The following ARHGEF10 variants were observed in gnomAD, a reference collection of about 807,000 sequenced individuals.
ARHGEF10 encodes Rho guanine nucleotide exchange factor (GEF) 10.
A neutral mutation model predicts 147.4 loss-of-function variants in ARHGEF10; 140 were observed. That is an observed-to-expected ratio of 0.95 (90% CI 0.83 to 1.09). The LOEUF is 1.09. Ranked by LOEUF, ARHGEF10 falls within the 50% of genes least tolerant of loss-of-function variation. ARHGEF10 has a pLI of 0.00. For synonymous variants in ARHGEF10, 902 were observed against 695.8 expected (o/e 1.30, Z -4.67); for missense variants, 2,222 against 1,752.7 (o/e 1.27, Z -4.78).
intron 1 of ARHGEF10, among the ~76,000 whole-genome samples, chr8:1,835,214 C>T (rs1417527068): frequency 1.3e-5 from 2 of 152,204 alleles, no homozygotes; most frequent in African/African-American, 2.4e-5. Flanking sequence ...GACCAGGGGG[C>T]CCAGGATGCT....
chr8:1,888,898 T>TGAGGGTTTGTGAGGAGACACTGAGTG (rs1809090717), intron 11 of ARHGEF10, among the ~76,000 whole-genome samples: 1 of 62,550 alleles, frequency 1.6e-5, no homozygotes, highest in African/African-American at 8.0e-5. Flanking sequence ...GACACTGAGT[T>TGAGGGTTTGTGAGGAGACACTGAGTG]GGGTGAGGGT....
chr8:1,880,408 G>A lies in ARHGEF10; in HGVS notation c.960+244G>A, dbSNP rs548137844. On this transcript the variant is annotated intron_variant, in intron 9 of 28. Coordinates refer to ENST00000349830, the MANE Select transcript of ARHGEF10 (RefSeq NM_014629.4). ...CCACAGCTGTGGCCTCACCGCTGGC[G>A]GAATGCCATCTGGCTGTCTACTAGA... 2.0e-4 allele frequency among the ~76,000 whole-genome samples: 30 copies of A among 152,308 alleles called. 1 individual carries two copies. Among genetic ancestry groups the A allele is most frequent in the South Asian group, 8.3e-4 (4 of 4,824 alleles).
At chr8:1,841,598 G>A (rs995452030) in intron 1 of ARHGEF10, among the ~76,000 whole-genome samples, 4 of 152,146 alleles carry the variant, frequency 2.6e-5, no homozygotes, top group Middle Eastern at 3.4e-3. Flanking sequence ...GGGGCAGGGA[G>A]TAGGGAGCAG....
At chr8:1,823,378 G>C (rs1265520216), upstream of ARHGEF10, among the ~76,000 whole-genome samples, 1 of 149,604 alleles carries the variant, frequency 6.7e-6, no homozygotes, top group Non-Finnish European at 1.5e-5. Context: ...TCAAGGGCGG[G>C]TCGGGTGGGG....
At chr8:1,868,086 C>A (rs1482635907) in intron 6 of ARHGEF10, among the ~76,000 whole-genome samples, 1 of 152,182 alleles carries the variant, frequency 6.6e-6, no homozygotes, top group Non-Finnish European at 1.5e-5. Flanking sequence ...GAAATATGAT[C>A]TCTAAACTAG....
intron 1 of ARHGEF10, among the ~76,000 whole-genome samples, chr8:1,841,952 TGGGGCCGCGACCGGAACTGGGG>T (rs1234219276): frequency 2.4e-4 from 19 of 78,220 alleles, no homozygotes; most frequent in African/African-American, 1.2e-3. Flanking sequence ...CGACCGGAAC[TGGGGCCGCGACCGGAACTGGGG>T]CCGCGGCGGG....
chr8:1,938,743 C>G (rs1164063322), intron 26 of ARHGEF10, among the ~76,000 whole-genome samples: 1 of 152,128 alleles, frequency 6.6e-6, no homozygotes, highest in African/African-American at 2.4e-5. Context: ...CAAGGCCAGC[C>G]TGGGCAGCAT....
At chr8:1,898,176 G>A (rs927082601) in intron 14 of ARHGEF10, among the ~76,000 whole-genome samples, 1 of 152,172 alleles carries the variant, frequency 6.6e-6, no homozygotes, top group South Asian at 2.1e-4. Context: ...AATCTGCCCA[G>A]TCCCCTGGCC....
At chr8:1,860,650 C>T (rs1285904522) in intron 4 of ARHGEF10, among the ~76,000 whole-genome samples, 3 of 152,202 alleles carry the variant, frequency 2.0e-5, no homozygotes, top group East Asian at 1.9e-4. Flanking sequence ...TTTGAAACAA[C>T]GTCTGGTGCC....
At chr8:1,868,371 C>T (rs1327844708) in intron 6 of ARHGEF10, among the ~76,000 whole-genome samples, 3 of 152,130 alleles carry the variant, frequency 2.0e-5, no homozygotes, top group Admixed American at 6.5e-5. Flanking sequence ...ATAGTTTGGA[C>T]GTTCTCTTGC....
intron 11 of ARHGEF10, 134 bp from the exon 12 acceptor site, chr8:1,893,435 A>T: frequency 1.5e-6 from 1 of 674,992 alleles, no homozygotes; most frequent in Non-Finnish European, 2.7e-6. Flanking sequence ...AATGTTATTT[A>T]ATTAGGCTAC....
intron 2 of ARHGEF10, among the ~76,000 whole-genome samples, chr8:1,850,964 C>T (rs1288782954): frequency 1.3e-5 from 2 of 151,544 alleles, no homozygotes; most frequent in Admixed American, 6.6e-5. Flanking sequence ...GCGCCCGGTG[C>T]GATTCCAACC....
At position 1,915,661 on chromosome 8, in the gene ARHGEF10, A is replaced by T. The variant is rs148662929; in HGVS notation, c.2143+6191A>T. On this transcript the variant is annotated intron_variant, in intron 18 of 28. Transcript: ENST00000349830. ...CTTCTCCGTCACTGTGTCTGTTTATATCTCCCGTTACCTCAGGGACAAACA... is the reference window on the plus strand; with the variant it reads ...CTTCTCCGTCACTGTGTCTGTTTATTTCTCCCGTTACCTCAGGGACAAACA... 6.5e-3 allele frequency among the ~76,000 whole-genome samples: 996 copies of T among 152,338 alleles called. 5 individuals carry two copies. The highest frequency in any genetic ancestry group is 0.027 in the Middle Eastern group (8 of 294).
intron 2 of ARHGEF10, among the ~76,000 whole-genome samples, chr8:1,850,752 GT>G (rs1805071070): frequency 6.6e-6 from 1 of 152,202 alleles, no homozygotes. Flanking sequence ...CCATATAGGT[GT>G]TGATAGCAGC....
intron 17 of ARHGEF10, among the ~76,000 whole-genome samples, chr8:1,908,875 G>A (rs1464388803): frequency 1.3e-5 from 2 of 152,118 alleles, no homozygotes; most frequent in African/African-American, 4.8e-5. Context: ...TATTAAAGTG[G>A]TTACAGTGTA....
At chr8:1,880,185 G>C in intron 9 of ARHGEF10, 21 bp downstream of exon 9, 1 of 1,561,534 alleles carries the variant, frequency 6.4e-7, no homozygotes, top group South Asian at 1.1e-5. Flanking sequence ...GCCCCCGGCC[G>C]CTGCCCCCAC....
At position 1,841,598 on chromosome 8, in the gene ARHGEF10, G is replaced by T. The variant is rs995452030; in HGVS notation, c.-47-1755G>T. 5.3e-5 allele frequency among the ~76,000 whole-genome samples: 8 copies of T among 152,028 alleles called. No homozygotes were observed. In the South Asian group the frequency reaches 1.7e-3, roughly 32 times the overall value. On this transcript the variant is annotated intron_variant, in intron 1 of 28. Transcript: ENST00000349830. The stretch of plus-strand genomic sequence containing the variant: ...ACACGCGGCTCCCTGGGGGCAGGGA[G>T]TAGGGAGCAGGGCGTGGTTGTGGCT...
chr8:1,882,223 C>T (rs959072669), intron 9 of ARHGEF10, among the ~76,000 whole-genome samples: 3 of 152,246 alleles, frequency 2.0e-5, no homozygotes, highest in Non-Finnish European at 4.4e-5. Context: ...GCCATGCCCC[C>T]ACATGGGGTG....
At chr8:1,951,253 G>A (rs1292365609) in intron 27 of ARHGEF10, among the ~76,000 whole-genome samples, 3 of 152,244 alleles carry the variant, frequency 2.0e-5, no homozygotes, top group East Asian at 3.8e-4. Flanking sequence ...TCAGCACTTC[G>A]GAGCAGCTGG....
Sources: allele counts gnomAD v4.1 joint callset (sites outside exome capture counted in the v4.1 genomes callset), GRCh38; gene constraint gnomAD v4.1.1; transcripts MANE v1.5; gene names NCBI Gene and HGNC (gene_info 2026-07-23, HGNC 2026-07-21).